TSPOAP1: variants seen among roughly 807,000 people sequenced by gnomAD.
The protein encoded by TSPOAP1 is peripheral-type benzodiazepine receptor-associated protein 1.
A neutral mutation model predicts 197.0 loss-of-function variants in TSPOAP1; 87 were observed. The ratio of observed to expected loss-of-function variants is 0.44; its 90% CI spans 0.37 to 0.53. The LOEUF (loss-of-function observed/expected upper bound fraction) is 0.53, where lower values mean the gene tolerates loss of function less well. TSPOAP1 is among the 20% of genes least tolerant of loss of function. TSPOAP1 has a pLI of 0.00. For synonymous variants in TSPOAP1, 913 were observed against 998.9 expected (o/e 0.91, Z 1.62); for missense variants, 2,174 against 2,411.3 (o/e 0.90, Z 2.06).
In TSPOAP1 at chr17:58,316,459, C is replaced by T. The variant is rs373894175; in HGVS notation, c.1954G>A (p.Gly652Arg). 2.1e-5 allele frequency: 34 copies of T among 1,613,854 alleles called. No individual in the cohort carries two copies. In the South Asian group the frequency reaches 3.5e-4, roughly 17 times the overall value. The change falls in exon 15 of 32, where the codon GGA (glycine) becomes AGA (arginine). Residue 652 changes from glycine to arginine, a missense_variant. By Grantham distance (125) the Gly-to-Arg change is moderately radical. Coordinates refer to ENST00000343736, the MANE Select transcript of TSPOAP1 (RefSeq NM_004758.4). Reference sequence around the variant, plus strand: ...GCTAGGAAGACCTGGATCCTGGCTCCTCCCCGGCTGCCCTCTGGCGCAGCT... The same window carrying T: ...GCTAGGAAGACCTGGATCCTGGCTCTTCCCCGGCTGCCCTCTGGCGCAGCT... Reference protein sequence around the residue: ...LPAAPEGSRGGARIQVFLARY... With the variant: ...LPAAPEGSRGRARIQVFLARY...
chr17:58,322,100 T>C lies in TSPOAP1; in HGVS notation c.1422+208A>G. 1.7e-6 allele frequency: 1 copy of C among 573,298 alleles called. No individual in the cohort carries two copies. The highest frequency in any genetic ancestry group is 3.1e-6 in the Non-Finnish European group (1 of 325,464). 35.5% of individuals were successfully genotyped at this position (573,298 alleles called of 1,614,324 possible). ...TCCCAGTCACTTTGTCACATCACCCTGTTCTTCTCCACCACTGTGCTCATC... is the reference window on the plus strand; with the variant it reads ...TCCCAGTCACTTTGTCACATCACCCCGTTCTTCTCCACCACTGTGCTCATC... On this transcript the variant is annotated intron_variant, in intron 10 of 31. Transcript: ENST00000343736. This position sits in a 1 kb window ranked among gnomAD's most constrained non-coding sequence, Gnocchi z 5.0.
Position 58,328,393 on chromosome 17 carries a change from T to G in TSPOAP1, c.-473A>C, listed in dbSNP as rs559644230. 9.6e-5 allele frequency: 19 copies of G among 197,112 alleles called. No homozygotes were observed. Among genetic ancestry groups the G allele is most frequent in the African/African-American group, 3.7e-4 (16 of 43,330 alleles). 12.2% of individuals were successfully genotyped at this position (197,112 alleles called of 1,614,324 possible). On this transcript the variant is annotated 5_prime_UTR_variant, in exon 1 of 32. Coordinates refer to ENST00000343736, the MANE Select transcript of TSPOAP1 (RefSeq NM_004758.4). The surrounding 1 kb of genome is among the most constrained non-coding windows in gnomAD (Gnocchi z 4.3). ...GTTGCCAGTTGTTTGTGTGTGTGTG[T>G]GTGGGTGTCTGTATTGCAGGGCTGT...
intron 16 of TSPOAP1, among the ~76,000 whole-genome samples, chr17:58,315,456 T>G (rs1971199491): frequency 6.6e-6 from 1 of 152,240 alleles, no homozygotes; most frequent in South Asian, 2.1e-4. Flanking sequence ...AGGCCCATAG[T>G]GCCCAGTCTC....
Position 58,323,369 on chromosome 17 carries a change from T to C in TSPOAP1, c.1033A>G (p.Ser345Gly), listed in dbSNP as rs1470188841. ...QRVQQLESEL[S>G]KKRKKCESLE... ...CTCTCGCATTTCTTCCGCTTCTTGCTGAGCTCCGATTCCTGAGGGGTCAGA... is the reference window on the plus strand; with the variant it reads ...CTCTCGCATTTCTTCCGCTTCTTGCCGAGCTCCGATTCCTGAGGGGTCAGA... Residue 345 changes from serine (S) to glycine (G), a missense_variant, in exon 7 of 32, where the codon AGC becomes GGC. By Grantham distance (56) the Ser-to-Gly change is moderately conservative (BLOSUM62 0). Around this residue, in one of 5 missense-constraint regions of TSPOAP1, gnomAD observed 1,933 missense variants for 2,139.0 expected, o/e 0.90. Transcript: ENST00000343736. 6.2e-7 allele frequency: 1 copy of C among 1,614,090 alleles called. No homozygotes were observed. Among genetic ancestry groups the C allele is most frequent in the African/African-American group, 1.3e-5 (1 of 74,952 alleles).
intron 7 of TSPOAP1, 39 bp from the exon 8 acceptor site, chr17:58,323,078 C>A: frequency 6.3e-7 from 1 of 1,574,832 alleles, no homozygotes; most frequent in Non-Finnish European, 8.6e-7. Context: ...GAGCCCAGCA[C>A]CCACATTCCC....
chr17:58,318,412 T>C lies in TSPOAP1; in HGVS notation c.1740A>G (p.Pro580=), dbSNP rs1335412610. 1.2e-6 allele frequency: 2 copies of C among 1,613,896 alleles called. No individual in the cohort carries two copies. The highest frequency in any genetic ancestry group is 3.3e-5 in the Admixed American group (2 of 60,004). The change falls in exon 14 of 32, where the codon CCA becomes CCG. Residue 580 remains proline, a synonymous_variant. Transcript: ENST00000343736. ...LPPGSPGRCT[P]KSSEPAPATL... is the part of the protein sequence containing the mutation. ...TGGCAGGGGCAGGCTCGGAAGACTT[T>C]GGGGTGCAGCGCCCAGGGGAGCCCG...
intron 14 of TSPOAP1, among the ~76,000 whole-genome samples, chr17:58,316,881 G>T (rs62084581): frequency 0.059 from 8,967 of 152,292 alleles, 379 homozygotes; most frequent in East Asian, 0.12. Context: ...ACAGAAGTTT[G>T]GTTTGGTTCC....
chr17:58,310,278 G>A lies in TSPOAP1; in HGVS notation c.3700-120C>T, dbSNP rs891804771. The A allele has an allele frequency of 5.1e-6, 6 of 1,183,862 alleles. No individual in the cohort carries two copies. The South Asian group carries it at 9.1e-5, about 18-fold the overall frequency. 73.3% of individuals were successfully genotyped at this position (1,183,862 alleles called of 1,614,324 possible). On this transcript the variant is annotated intron_variant, in intron 20 of 31. Transcript: ENST00000343736. ...CTTTGGCAGAGGGAGAAAGAGCCAT[G>A]TCCTAAATGGGGGAGGCACACCATG...
Position 58,305,474 on chromosome 17 carries a change from G to A in TSPOAP1, c.5362-16C>T, listed in dbSNP as rs773994887. ...GCAGCTCTGCCTGTGGAAAACAAGA[G>A]GAGGGCATCAGGCCCAGGAAGGCTC... On this transcript the variant is annotated splice_polypyrimidine_tract_variant and intron_variant, in intron 28 of 31. Coordinates refer to ENST00000343736, the MANE Select transcript of TSPOAP1 (RefSeq NM_004758.4). 11 of 1,613,820 alleles carry A rather than the reference G, an allele frequency of 6.8e-6. No homozygotes were observed. The South Asian group carries it at 7.7e-5, about 11-fold the overall frequency.
chr17:58,306,805 C>T lies in TSPOAP1; in HGVS notation c.5147G>A (p.Gly1716Asp), dbSNP rs1055051271. 8 of 1,612,402 alleles carry T rather than the reference C, an allele frequency of 5.0e-6. No individual in the cohort carries two copies. The highest frequency in any genetic ancestry group is 6.8e-6 in the Non-Finnish European group (8 of 1,178,962). Reference sequence around the variant, plus strand: ...GGGACAGCAGCAGGTCATACCTGAGCCCTCAAGGAGAATATCTGGGGACAA... The same window carrying T: ...GGGACAGCAGCAGGTCATACCTGAGTCCTCAAGGAGAATATCTGGGGACAA... ...GYLSPDILLE[G>D]SGNGPFVYST... The change falls in exon 25 of 32, where the codon GGC (glycine) becomes GAC (aspartate). Residue 1716 changes from glycine (G) to aspartate (D), a missense_variant. Gly to Asp is a moderately conservative substitution (Grantham distance 94). This residue lies in a region of TSPOAP1 where 161 missense variants were observed against 159.1 expected (regional missense o/e 1.01). Coordinates refer to ENST00000343736, the MANE Select transcript of TSPOAP1 (RefSeq NM_004758.4).
intron 16 of TSPOAP1, among the ~76,000 whole-genome samples, chr17:58,315,623 T>A (rs1971202974): frequency 6.6e-6 from 1 of 152,206 alleles, no homozygotes; most frequent in Admixed American, 6.5e-5. Context: ...CTCCTTCGCA[T>A]ACCTGACTGG....
Position 58,308,694 on chromosome 17 carries a change from C to T in TSPOAP1, c.4578G>A (p.Glu1526=). 1 of 1,612,980 alleles carries T rather than the reference C, an allele frequency of 6.2e-7. No individual in the cohort carries two copies. The highest frequency in any genetic ancestry group is 8.5e-7 in the Non-Finnish European group (1 of 1,179,924). ...TTCCTACAGTTGCTGTGCCCCAGGC[C>T]TCCCCATCTCCAGGGTAGCAGGAGC... ...ITSSCYPGDG[E]AWGTATVGRP... The change falls in exon 22 of 32, where the codon GAG becomes GAA. Residue 1526 remains glutamate (E), a synonymous_variant. Coordinates refer to ENST00000343736, the MANE Select transcript of TSPOAP1 (RefSeq NM_004758.4).
rs759168742 is a variant in TSPOAP1 at position 58,323,023 on chromosome 17, T to G, written c.1121A>C (p.Gln374Pro). The G allele has an allele frequency of 6.2e-7, 1 of 1,609,740 alleles. No individual in the cohort carries two copies. Among genetic ancestry groups the G allele is most frequent in the Non-Finnish European group, 8.5e-7 (1 of 1,178,202 alleles). Residue 374 changes from glutamine (Q) to proline (P), a missense_variant, in exon 8 of 32, where the codon CAA becomes CCA. Physicochemically the swap from Gln to Pro is moderately conservative, Grantham distance 76. Coordinates refer to ENST00000343736, the MANE Select transcript of TSPOAP1 (RefSeq NM_004758.4). ...RCEELELQLR[Q>P]AQNENARLVE... is the part of the protein sequence containing the mutation. ...CAGGCGGGCATTCTCATTCTGCGCT[T>G]GTCTCAGCTGCAGTTCCTGAGCGGG...
rs1328056051 is a variant in TSPOAP1 at position 58,311,738 on chromosome 17, C to T, written c.2930-16G>A. The T allele has an allele frequency of 6.5e-7, 1 of 1,547,864 alleles. No individual in the cohort carries two copies. Among genetic ancestry groups the T allele is most frequent in the Non-Finnish European group, 8.7e-7 (1 of 1,144,930 alleles). ...TCAGGTGGGCCTGGGGGCAGGGGGG[C>T]ACAAGACCCAGTGATGCAGGACGCT... is the stretch of plus-strand genomic sequence containing the variant. On this transcript the variant is annotated splice_polypyrimidine_tract_variant and intron_variant, in intron 17 of 31. Coordinates refer to ENST00000343736, the MANE Select transcript of TSPOAP1 (RefSeq NM_004758.4).
chr17:58,323,409 A>G, intron 6 of TSPOAP1, 28 bp from the exon 7 acceptor site: 2 of 1,614,212 alleles, frequency 1.2e-6, no homozygotes, highest in Admixed American at 1.7e-5. Context: ...AGTGCTCCTC[A>G]TGAGGGAAGG....
Position 58,310,572 on chromosome 17 carries a change from C to T in TSPOAP1, c.3639G>A (p.Ala1213=), listed in dbSNP as rs759255912. Residue 1213 remains alanine, a synonymous_variant, in exon 20 of 32, where the codon GCG becomes GCA. Coordinates refer to ENST00000343736, the MANE Select transcript of TSPOAP1 (RefSeq NM_004758.4). The part of the protein sequence containing the change: ...SSTQGARAQQ[A]PNTEMCQGGD... The stretch of plus-strand genomic sequence containing the variant: ...CTCCTTGGCACATCTCGGTATTTGG[C>T]GCCTGCTGGGCCCGTGCTCCCTGGG... The T allele has an allele frequency of 6.8e-6, 11 of 1,613,334 alleles. No homozygotes were observed. The highest frequency in any genetic ancestry group is 1.7e-5 in the Admixed American group (1 of 60,018).
chr17:58,315,060 T>C (rs1971186169), intron 16 of TSPOAP1, among the ~76,000 whole-genome samples: 1 of 152,236 alleles, frequency 6.6e-6, no homozygotes, highest in Admixed American at 6.5e-5. Flanking sequence ...TTTTGGTTTT[T>C]GATTTGGGTG....
chr17:58,327,779 C>G lies in TSPOAP1; in HGVS notation c.142G>C (p.Ala48Pro), dbSNP rs745630371. 3 of 1,614,178 alleles carry G rather than the reference C, an allele frequency of 1.9e-6. No individual in the cohort carries two copies. Among genetic ancestry groups the G allele is most frequent in the East Asian group, 4.5e-5 (2 of 44,892 alleles). Residue 48 changes from alanine to proline, a missense_variant, in exon 1 of 32, where the codon GCA becomes CCA. This residue lies in a region of TSPOAP1 where 1,933 missense variants were observed against 2,139.0 expected (regional missense o/e 0.90). Coordinates refer to ENST00000343736, the MANE Select transcript of TSPOAP1 (RefSeq NM_004758.4). ...CTCAGTTCTTGAAGCTGCAGAGCTGCCGGAGGAGTATCAGCGATGCTTGGG... is the reference window on the plus strand; with the variant it reads ...CTCAGTTCTTGAAGCTGCAGAGCTGGCGGAGGAGTATCAGCGATGCTTGGG... Reference protein sequence around the residue: ...AAPSIADTPPAALQLQELRSE... With the variant: ...AAPSIADTPPPALQLQELRSE...
chr17:58,302,327 C>A lies in TSPOAP1; in HGVS notation c.*153G>T. On this transcript the variant is annotated 3_prime_UTR_variant, in exon 32 of 32. Transcript: ENST00000343736. ...AGCTGCTTCCCCTTGGAGAAGAAACCCCACACCTTCTCGCTTCTGCCCTGG... is the reference window on the plus strand; with the variant it reads ...AGCTGCTTCCCCTTGGAGAAGAAACACCACACCTTCTCGCTTCTGCCCTGG... The A allele has an allele frequency of 7.8e-7, 1 of 1,289,624 alleles. No individual in the cohort carries two copies. The highest frequency in any genetic ancestry group is 1.0e-6 in the Non-Finnish European group (1 of 988,792). 79.9% of individuals were successfully genotyped at this position (1,289,624 alleles called of 1,614,324 possible). A position where few individuals can be genotyped will look rare whatever the true frequency, so the allele number is the denominator to read the frequency against.
Sources: allele counts gnomAD v4.1 joint callset (sites outside exome capture counted in the v4.1 genomes callset), GRCh38; gene constraint gnomAD v4.1.1; regional missense constraint gnomAD v4.1.1; non-coding constraint Gnocchi (gnomAD v3.1); transcripts MANE v1.5; gene names NCBI Gene and HGNC (gene_info 2026-07-23, HGNC 2026-07-21).